The following RGS6 variants were observed in gnomAD, a reference collection of about 807,000 sequenced individuals.
The protein encoded by RGS6 is regulator of G-protein signaling 6.
Under a neutral mutation model 78.5 loss-of-function variants are expected in RGS6, and 30 were observed. That is an observed-to-expected ratio of 0.38 (90% confidence interval 0.29 to 0.52). The LOEUF (loss-of-function observed/expected upper bound fraction) is 0.52, where lower values mean the gene tolerates loss of function less well. Among genes scored for constraint, RGS6 ranks in the 20% least tolerant of loss-of-function variants. RGS6 has a pLI of 0.85. For missense variants in RGS6, 495 were observed against 609.7 expected (o/e 0.81, Z 1.98); for synonymous variants, 206 against 206.0 (o/e 1.00, Z 0.00).
chr14:72,218,919 A>G (rs1228605431), intron 2 of RGS6, among the ~76,000 whole-genome samples: 1 of 151,962 alleles, frequency 6.6e-6, no homozygotes, highest in Non-Finnish European at 1.5e-5. Flanking sequence ...CAGCTTATTT[A>G]TTACATATTA....
intron 2 of RGS6, among the ~76,000 whole-genome samples, chr14:72,096,790 T>C (rs557667346): frequency 6.6e-6 from 1 of 152,328 alleles, no homozygotes; most frequent in South Asian, 2.1e-4. Flanking sequence ...GCATCCACTT[T>C]CCGTTGGTTG....
intron 7 of RGS6, among the ~76,000 whole-genome samples, chr14:72,467,733 A>G (rs1054414104): frequency 6.6e-6 from 1 of 152,102 alleles, no homozygotes; most frequent in Non-Finnish European, 1.5e-5. Context: ...TTGGAATATT[A>G]TGATCTCCCC....
intron 3 of RGS6, among the ~76,000 whole-genome samples, chr14:72,437,261 A>G (rs1280528168): frequency 6.8e-6 from 1 of 147,906 alleles, no homozygotes; most frequent in African/African-American, 2.5e-5. Context: ...GAATCGCTTG[A>G]ACCCAGGAGG....
chr14:72,540,577 G>A (rs540294483), intron 17 of RGS6: 68 of 1,531,408 alleles, frequency 4.4e-5, no homozygotes, highest in Middle Eastern at 1.7e-4. Flanking sequence ...CTGTGTAGGC[G>A]GCTTTTGCTG....
intron 12 of RGS6, among the ~76,000 whole-genome samples, chr14:72,488,361 C>G (rs1268423332): frequency 6.6e-6 from 1 of 152,172 alleles, no homozygotes; most frequent in Non-Finnish European, 1.5e-5. Context: ...TTCATTCATG[C>G]TTAATGCCTG....
At chr14:71,876,275 A>G in the RGS6 span, among the ~76,000 whole-genome samples, 1 of 151,952 alleles carries the variant, frequency 6.6e-6, no homozygotes, top group African/African-American at 2.4e-5. Context: ...ATTGTATGGG[A>G]GCCTAAGTCT....
chr14:72,490,969 C>T (rs191879387), intron 12 of RGS6, among the ~76,000 whole-genome samples: 1 of 152,196 alleles, frequency 6.6e-6, no homozygotes, highest in African/African-American at 2.4e-5. Context: ...ACCTGAGATC[C>T]TGCATTGCTA....
At chr14:72,356,306 T>C (rs545415275) in intron 3 of RGS6, among the ~76,000 whole-genome samples, 3 of 152,288 alleles carry the variant, frequency 2.0e-5, no homozygotes, top group African/African-American at 7.2e-5. Flanking sequence ...AGTGTGGCAC[T>C]TCCCCCTGCT....
the RGS6 span, among the ~76,000 whole-genome samples, chr14:72,583,278 G>C: frequency 2.0e-5 from 3 of 152,134 alleles, no homozygotes; most frequent in African/African-American, 7.2e-5. Context: ...GGACTCCTTG[G>C]CCTCCATAAT....
At chr14:72,494,563 T>C (rs1326550530) in intron 12 of RGS6, among the ~76,000 whole-genome samples, 1 of 152,160 alleles carries the variant, frequency 6.6e-6, no homozygotes, top group Non-Finnish European at 1.5e-5. Context: ...TACATTTTGA[T>C]AAGAATAAAA....
At chr14:71,900,669 A>G in the RGS6 span, among the ~76,000 whole-genome samples, 1 of 152,200 alleles carries the variant, frequency 6.6e-6, no homozygotes, top group African/African-American at 2.4e-5. Context: ...CACTTCCTCC[A>G]TAACAAGGAT....
intron 2 of RGS6, among the ~76,000 whole-genome samples, chr14:72,246,263 C>T (rs949484107): frequency 1.3e-5 from 2 of 152,196 alleles, no homozygotes; most frequent in African/African-American, 2.4e-5. Flanking sequence ...CAGTTTGTGT[C>T]TCTAAGCCCT....
chr14:72,312,173 TA>T, intron 2 of RGS6, among the ~76,000 whole-genome samples: 1 of 151,804 alleles, frequency 6.6e-6, no homozygotes, highest in Non-Finnish European at 1.5e-5. Context: ...TGGTGTTCGG[TA>T]TTAAAGCTTC....
chr14:72,091,025 G>T (rs2095252028), intron 2 of RGS6, among the ~76,000 whole-genome samples: 1 of 152,048 alleles, frequency 6.6e-6, no homozygotes, highest in Non-Finnish European at 1.5e-5. Context: ...AAGCATTTAG[G>T]GGAAGAGGGA....
intron 3 of RGS6, among the ~76,000 whole-genome samples, chr14:72,411,754 T>C (rs183924020): frequency 6.6e-6 from 1 of 152,338 alleles, no homozygotes; most frequent in Non-Finnish European, 1.5e-5. Context: ...AATACCTAAT[T>C]TATTGAAAGT....
At chr14:72,186,804 A>C (rs942030181) in intron 2 of RGS6, among the ~76,000 whole-genome samples, 1 of 152,148 alleles carries the variant, frequency 6.6e-6, no homozygotes. Context: ...TGCCGAATAC[A>C]TGTGTCCCAG....
upstream of RGS6, among the ~76,000 whole-genome samples, chr14:71,932,174 T>G (rs1322997065): frequency 2.6e-5 from 4 of 152,194 alleles, no homozygotes; most frequent in Admixed American, 2.0e-4. Flanking sequence ...ATGAGGCATT[T>G]CTAGGTTTTC....
intron 3 of RGS6, among the ~76,000 whole-genome samples, chr14:72,415,943 T>C (rs951289926): frequency 6.6e-6 from 1 of 151,312 alleles, no homozygotes; most frequent in Non-Finnish European, 1.5e-5. Context: ...AGGTCAGGAG[T>C]TCAAGACCAG....
intron 2 of RGS6, among the ~76,000 whole-genome samples, chr14:72,281,516 G>A (rs896601641): frequency 1.3e-5 from 2 of 152,170 alleles, no homozygotes; most frequent in Non-Finnish European, 2.9e-5. Context: ...GACTTCAAAT[G>A]ATACTGAGTT....
Sources: allele counts gnomAD v4.1 joint callset (sites outside exome capture counted in the v4.1 genomes callset), GRCh38; gene constraint gnomAD v4.1.1; transcripts MANE v1.5; gene names NCBI Gene and HGNC (gene_info 2026-07-23, HGNC 2026-07-21).